Variants in HSPA12A observed in about 807,000 individuals in gnomAD.
HSPA12A encodes heat shock protein family A (Hsp70) member 12A, also known as heat shock 70 kDa protein 12A.
Under a neutral mutation model 69.2 loss-of-function variants are expected in HSPA12A, and 28 were observed. The ratio of observed to expected loss-of-function variants is 0.40; its 90% CI spans 0.30 to 0.55. The LOEUF (loss-of-function observed/expected upper bound fraction) is 0.55, where lower values mean the gene tolerates loss of function less well. HSPA12A is among the 20% of genes least tolerant of loss of function. The probability of loss-of-function intolerance (pLI) is 0.38; values close to 1 mark genes in which losing one functional copy is unlikely to be tolerated. For missense variants in HSPA12A, 686 were observed against 900.7 expected (o/e 0.76, Z 3.05); for synonymous variants, 345 against 370.5 (o/e 0.93, Z 0.79).
chr10:116,678,348 CAA>C (rs55780024), intron 10 of HSPA12A, among the ~76,000 whole-genome samples: 2 of 59,382 alleles, frequency 3.4e-5, no homozygotes, highest in African/African-American at 7.2e-5. Flanking sequence ...TGCCAACTTG[CAA>C]AAAAAAAAAA....
intron 2 of HSPA12A, among the ~76,000 whole-genome samples, chr10:116,826,902 GATACTTAGTATTCAC>G (rs1265081335): frequency 6.6e-6 from 1 of 152,170 alleles, no homozygotes; most frequent in Non-Finnish European, 1.5e-5. Flanking sequence ...CAATGAGGCG[GATACTTAGTATTCAC>G]ATTTCATATT....
chr10:116,731,514 C>T (rs1292894088), intron 1 of HSPA12A, among the ~76,000 whole-genome samples: 1 of 152,232 alleles, frequency 6.6e-6, no homozygotes, highest in East Asian at 1.9e-4. Context: ...AGAGTCTGTG[C>T]ATTATTGTCA....
chr10:116,780,084 G>T (rs1020793938), intron 2 of HSPA12A, among the ~76,000 whole-genome samples: 3 of 152,204 alleles, frequency 2.0e-5, no homozygotes, highest in Non-Finnish European at 2.9e-5. Context: ...CAAAGATCCC[G>T]TTCATCCACA....
At chr10:116,677,569 G>A (rs1849276617) in intron 10 of HSPA12A, among the ~76,000 whole-genome samples, 1 of 152,224 alleles carries the variant, frequency 6.6e-6, no homozygotes, top group East Asian at 1.9e-4. Flanking sequence ...GACTAACGGG[G>A]CAGAGAACAT....
intron 1 of HSPA12A, among the ~76,000 whole-genome samples, chr10:116,848,880 T>C (rs1028937171): frequency 1.3e-5 from 2 of 152,166 alleles, no homozygotes; most frequent in African/African-American, 2.4e-5. Flanking sequence ...TTTCATTCCA[T>C]TGATTTCACC....
intron 2 of HSPA12A, chr10:116,831,134 A>T (rs1327242224): frequency 6.6e-6 from 1 of 152,208 alleles, no homozygotes; most frequent in Non-Finnish European, 1.5e-5. Context: ...GGCTTAAATG[A>T]TATAACAAGT....
chr10:116,736,046 G>A (rs978658697), intron 1 of HSPA12A, among the ~76,000 whole-genome samples: 9 of 152,144 alleles, frequency 5.9e-5, no homozygotes, highest in African/African-American at 2.2e-4. Context: ...AAACTTTGGG[G>A]TGGTTTGCTA....
intron 1 of HSPA12A, among the ~76,000 whole-genome samples, chr10:116,725,274 T>C (rs1394776142): frequency 6.6e-6 from 1 of 152,158 alleles, no homozygotes; most frequent in Non-Finnish European, 1.5e-5. Context: ...CAGCCTGTGT[T>C]GAGACAGAAA....
chr10:116,789,197 C>T (rs965238514), intron 2 of HSPA12A, among the ~76,000 whole-genome samples: 1 of 152,028 alleles, frequency 6.6e-6, no homozygotes, highest in Non-Finnish European at 1.5e-5. Context: ...TGCACTGGTG[C>T]TGCAATATGT....
chr10:116,828,555 C>T (rs559971998), intron 2 of HSPA12A, among the ~76,000 whole-genome samples: 1 of 152,360 alleles, frequency 6.6e-6, no homozygotes, highest in Admixed American at 6.5e-5. Flanking sequence ...GCATGCTTCA[C>T]AGTTAGTTGC....
upstream of HSPA12A, among the ~76,000 whole-genome samples, chr10:116,747,162 G>C (rs565916267): frequency 2.0e-5 from 3 of 152,020 alleles, no homozygotes; most frequent in African/African-American, 7.3e-5. Context: ...GGTGTGAATC[G>C]GTCTCTCCAT....
At chr10:116,847,326 G>A (rs537278084) in intron 1 of HSPA12A, among the ~76,000 whole-genome samples, 2 of 152,066 alleles carry the variant, frequency 1.3e-5, no homozygotes, top group East Asian at 3.9e-4. Context: ...CAGTGTTTAG[G>A]CCCTTGCACA....
rs574289847 is a variant in HSPA12A, at chr10:116,837,969, T to C, written c.4-2947A>G. 6.1e-4 allele frequency among the ~76,000 whole-genome samples: 93 copies of C among 152,314 alleles called. 3 individuals are homozygous for C. The South Asian group carries it at 0.019, about 31-fold the overall frequency. ...CTTTTTAATTTGCCTGTAACACATA[T>C]AATTAGATGTTTAATTTGATAATAT... On this transcript the variant is annotated intron_variant, in intron 1 of 12. Coordinates refer to the HSPA12A transcript ENST00000635765.
chr10:116,750,915 G>A (rs1164557959), intron 2 of HSPA12A, among the ~76,000 whole-genome samples: 1 of 152,018 alleles, frequency 6.6e-6, no homozygotes, highest in Non-Finnish European at 1.5e-5. Context: ...CGAGGTTGCA[G>A]TGAGCTGAGA....
intron 10 of HSPA12A, among the ~76,000 whole-genome samples, chr10:116,678,061 C>A (rs1849291124): frequency 6.6e-6 from 1 of 151,246 alleles, no homozygotes. Flanking sequence ...AGCTGTAGTT[C>A]AGGGCAACCA....
chr10:116,761,592 G>A (rs1469038822), intron 2 of HSPA12A, among the ~76,000 whole-genome samples: 1 of 149,170 alleles, frequency 6.7e-6, no homozygotes, highest in African/African-American at 2.5e-5. Context: ...AAAAAAAAAC[G>A]AAGAAATTAG....
At chr10:116,744,879 C>T (rs1268504697), upstream of HSPA12A, among the ~76,000 whole-genome samples, 2 of 152,198 alleles carry the variant, frequency 1.3e-5, no homozygotes, top group Non-Finnish European at 2.9e-5. Context: ...GAAGGGTTCC[C>T]ACCTTCCTCC....
chr10:116,848,729 G>C (rs1367944113), intron 1 of HSPA12A, among the ~76,000 whole-genome samples: 1 of 135,856 alleles, frequency 7.4e-6, no homozygotes, highest in African/African-American at 2.8e-5. Context: ...ATTCTGGAGA[G>C]GGAACGTGAG....
At chr10:116,840,933 C>G (rs1845792701) in intron 1 of HSPA12A, among the ~76,000 whole-genome samples, 1 of 152,302 alleles carries the variant, frequency 6.6e-6, no homozygotes, top group South Asian at 2.1e-4. Context: ...TTAACAAGTG[C>G]AGCTCCCTCA....
Sources: allele counts gnomAD v4.1 joint callset (sites outside exome capture counted in the v4.1 genomes callset), GRCh38; gene constraint gnomAD v4.1.1; transcripts MANE v1.5; gene names NCBI Gene and HGNC (gene_info 2026-07-23, HGNC 2026-07-21).